INSC: variants seen among roughly 807,000 people sequenced by gnomAD.
INSC encodes the protein INSC spindle orientation adaptor protein, also known as protein inscuteable homolog.
In INSC, 67 loss-of-function variants were observed where a neutral mutation model predicts 58.6. The ratio of observed to expected loss-of-function variants is 1.14; its 90% confidence interval spans 0.94 to 1.40. The LOEUF (loss-of-function observed/expected upper bound fraction) is 1.40. Ranked by LOEUF, INSC falls within the 40% of genes most tolerant of loss-of-function variation. INSC has a pLI of 0.00. For missense variants in INSC, 714 were observed against 692.0 expected (o/e 1.03, Z -0.36); for synonymous variants, 262 against 276.1 (o/e 0.95, Z 0.51).
At chr11:15,217,158 G>A (rs566296606) in intron 7 of INSC, among the ~76,000 whole-genome samples, 1 of 152,334 alleles carries the variant, frequency 6.6e-6, no homozygotes, top group South Asian at 2.1e-4. Context: ...GAGGTCTCAG[G>A]AAACTTAACA....
intron 5 of INSC, among the ~76,000 whole-genome samples, chr11:15,182,793 A>G (rs566609515): frequency 6.6e-6 from 1 of 152,198 alleles, no homozygotes; most frequent in South Asian, 2.1e-4. Context: ...CAGATCTTCA[A>G]TTTTCATTTG....
Position 15,175,977 on chromosome 11 carries a change from A to G in INSC, c.293A>G (p.Asp98Gly). The stretch of plus-strand genomic sequence containing the variant: ...AGGATCGGGCAGAAGCTGGCCCAGG[A>G]CCGCTGGGCACGGGTGCACAGCATG... ...LRRIGQKLAQ[D>G]RWARVHSMSV... The change falls in exon 3 of 13, where the codon GAC becomes GGC. Residue 98 changes from aspartate (D) to glycine (G), a missense_variant. Asp to Gly is a moderately conservative substitution (Grantham distance 94, BLOSUM62 -1). Transcript: ENST00000379556. The G allele has an allele frequency of 6.2e-7, 1 of 1,612,768 alleles. No individual in the cohort carries two copies. Among genetic ancestry groups the G allele is most frequent in the Non-Finnish European group, 8.5e-7 (1 of 1,179,414 alleles).
At chr11:15,196,967 C>T (rs1850395147) in intron 6 of INSC, among the ~76,000 whole-genome samples, 1 of 152,174 alleles carries the variant, frequency 6.6e-6, no homozygotes, top group Non-Finnish European at 1.5e-5. Flanking sequence ...CTCTTCCTCC[C>T]ACCTTACTTC....
rs569350034 is a variant in INSC, at chr11:15,164,149, T to C, written c.57-11592T>C. 2.7e-3 allele frequency among the ~76,000 whole-genome samples: 403 copies of C among 151,004 alleles called. 1 individual carries two copies. Among genetic ancestry groups the C allele is most frequent in the African/African-American group, 9.2e-3 (378 of 41,254 alleles). ...ATCTGTTTTAAGAGTACATTTTTTT[T>C]CTGGCATTTTCTCATTGTAGAGATA... is the stretch of plus-strand genomic sequence containing the variant. On this transcript the variant is annotated intron_variant, in intron 2 of 12. Coordinates refer to ENST00000379556, the MANE Select transcript of INSC (RefSeq NM_001042536.3).
At chr11:15,123,997 G>C (rs1382879251) in intron 1 of INSC, among the ~76,000 whole-genome samples, 33 of 152,128 alleles carry the variant, frequency 2.2e-4, no homozygotes. Flanking sequence ...ATCAGCACTA[G>C]GACAGAACAG....
chr11:15,113,119 C>CTCTCTTTCTT (rs1554899334), upstream of INSC, among the ~76,000 whole-genome samples: 3 of 73,256 alleles, frequency 4.1e-5, no homozygotes, highest in Admixed American at 1.5e-4. Context: ...TTCTCTCTCT[C>CTCTCTTTCTT]TCTTTCTTTC....
At chr11:15,243,231 A>G (rs565251128) in intron 12 of INSC, among the ~76,000 whole-genome samples, 47 of 152,152 alleles carry the variant, frequency 3.1e-4, no homozygotes, top group Middle Eastern at 6.8e-3. Context: ...ATTCACTTGG[A>G]GCCTAGCCTG....
chr11:15,175,989 G>C lies in INSC; in HGVS notation c.305G>C (p.Arg102Pro), dbSNP rs768043859. ...GQKLAQDRWA[R>P]VHSMSVRLTC... ...AAGCTGGCCCAGGACCGCTGGGCAC[G>C]GGTGCACAGCATGAGCGTGCGTCTG... The change falls in exon 3 of 13, where the codon CGG becomes CCG. Residue 102 changes from arginine (R) to proline (P), a missense_variant. Transcript: ENST00000379556. 1 of 1,610,606 alleles carries C rather than the reference G, an allele frequency of 6.2e-7. No individual in the cohort carries two copies. The highest frequency in any genetic ancestry group is 1.3e-5 in the African/African-American group (1 of 74,864).
At chr11:15,250,149 A>T (rs1201061048), downstream of INSC, among the ~76,000 whole-genome samples, 2 of 152,336 alleles carry the variant, frequency 1.3e-5, no homozygotes, top group East Asian at 3.9e-4. Flanking sequence ...ATTCTTTAGG[A>T]TAGCTAGGCA....
intron 7 of INSC, among the ~76,000 whole-genome samples, chr11:15,201,648 C>T (rs1191670198): frequency 6.6e-6 from 1 of 152,208 alleles, no homozygotes; most frequent in African/African-American, 2.4e-5. Context: ...CGGATAGGCT[C>T]TCAGGGACTC....
At chr11:15,243,650 T>C (rs761588337) in intron 12 of INSC, among the ~76,000 whole-genome samples, 50 of 152,126 alleles carry the variant, frequency 3.3e-4, no homozygotes, top group Non-Finnish European at 1.3e-4. Context: ...GTGTCTCTTC[T>C]CTCTCTGCCG....
In INSC at chr11:15,246,005, T is replaced by G. The variant is rs1373223976; in HGVS notation, c.1564T>G (p.Leu522Val). Residue 522 changes from leucine (L) to valine (V), a missense_variant, in exon 13 of 13, where the codon TTA becomes GTA. By Grantham distance (32) the Leu-to-Val change is conservative. Transcript: ENST00000379556. ...CCAGCCTCGGCTGGTGGACTCCTTC[T>G]TACTCTGCAGCAACATGGAGGAGAG... ...LVQPRLVDSF[L>V]LCSNMEESFV 2 of 1,614,194 alleles carry G rather than the reference T, an allele frequency of 1.2e-6. No individual in the cohort carries two copies. Among genetic ancestry groups the G allele is most frequent in the Non-Finnish European group, 8.5e-7 (1 of 1,180,028 alleles).
At chr11:15,131,951 A>C (rs1590340960) in intron 1 of INSC, among the ~76,000 whole-genome samples, 1 of 152,024 alleles carries the variant, frequency 6.6e-6, no homozygotes, top group African/African-American at 2.4e-5. Context: ...ATTTCCCCTT[A>C]ATGTGATTAC....
At chr11:15,251,030 G>A (rs1852644637), downstream of INSC, among the ~76,000 whole-genome samples, 1 of 152,170 alleles carries the variant, frequency 6.6e-6, no homozygotes, top group Admixed American at 6.5e-5. Flanking sequence ...AGAACAGTGA[G>A]CTTTGTAGTG....
chr11:15,115,195 G>A (rs1037657838), intron 1 of INSC, among the ~76,000 whole-genome samples, 192 bp downstream of exon 1: 1 of 152,228 alleles, frequency 6.6e-6, no homozygotes. Context: ...GAATTTTCTA[G>A]CATGTGCCCC....
intron 10 of INSC, 25 bp downstream of exon 10, chr11:15,235,693 G>GT: frequency 6.3e-7 from 1 of 1,583,654 alleles, no homozygotes; most frequent in Non-Finnish European, 8.7e-7. Context: ...CATTGTACAT[G>GT]TTATGTGGAT....
chr11:15,170,550 CA>C (rs1197218704), intron 2 of INSC, among the ~76,000 whole-genome samples: 3 of 152,160 alleles, frequency 2.0e-5, no homozygotes, highest in Non-Finnish European at 4.4e-5. Context: ...CATATCCTTT[CA>C]GGGGTACATG....
chr11:15,134,289 A>G (rs548553814), intron 1 of INSC, among the ~76,000 whole-genome samples: 2 of 152,332 alleles, frequency 1.3e-5, no homozygotes, highest in Non-Finnish European at 2.9e-5. Context: ...TTGAACGATG[A>G]CACAATGCCA....
intron 1 of INSC, among the ~76,000 whole-genome samples, chr11:15,139,509 A>T (rs941541549): frequency 6.6e-6 from 1 of 152,212 alleles, no homozygotes; most frequent in East Asian, 1.9e-4. Flanking sequence ...AGGCAACAGG[A>T]TAGCTTTTTT....
Sources: gnomAD v4.1 joint callset for allele counts (sites outside exome capture counted in the v4.1 genomes callset) on GRCh38, gnomAD v4.1.1 for gene constraint, MANE v1.5 for transcripts, NCBI Gene and HGNC (gene_info 2026-07-23, HGNC 2026-07-21) for gene names.